Variants in ZGPAT observed in about 807,000 individuals in gnomAD.
ZGPAT encodes zinc finger CCCH-type and G-patch domain containing.
ZGPAT carries 39 observed loss-of-function variants against 47.9 expected under a neutral mutation model. The observed-to-expected ratio is 0.81, with a 90% CI of 0.63 to 1.06. The LOEUF (loss-of-function observed/expected upper bound fraction) is 1.06. ZGPAT is among the 50% of genes least tolerant of loss of function. The probability of loss-of-function intolerance (pLI) is 0.00; values close to 1 mark genes in which losing one functional copy is unlikely to be tolerated. For synonymous variants in ZGPAT, 348 were observed against 292.9 expected (o/e 1.19, Z -1.92); for missense variants, 717 against 681.4 (o/e 1.05, Z -0.58).
chr20:63,717,302 G>A (rs939781300), intron 2 of ZGPAT, among the ~76,000 whole-genome samples: 6 of 120,324 alleles, frequency 5.0e-5, no homozygotes, highest in African/African-American at 1.9e-4. Flanking sequence ...ATACAGTTAA[G>A]TTATTGATTT....
At chr20:63,733,546 G>C in intron 3 of ZGPAT, 41 bp from the exon 4 acceptor site, 1 of 1,613,950 alleles carries the variant, frequency 6.2e-7, no homozygotes, top group Non-Finnish European at 8.5e-7. Context: ...AGTGGCACCT[G>C]CTGTCAAGGA....
intron 2 of ZGPAT, among the ~76,000 whole-genome samples, chr20:63,719,637 C>T (rs1019591323): frequency 1.3e-5 from 2 of 151,932 alleles, no homozygotes; most frequent in Admixed American, 6.6e-5. Context: ...TAGTAATTAT[C>T]ACTTTACTAG....
chr20:63,708,748 T>A lies in ZGPAT; in HGVS notation c.168T>A (p.Ser56=), dbSNP rs749152714. 1.2e-6 allele frequency: 2 copies of A among 1,612,392 alleles called. No homozygotes were observed. The highest frequency in any genetic ancestry group is 1.7e-6 in the Non-Finnish European group (2 of 1,179,548). The change falls in exon 2 of 7, where the codon TCT becomes TCA. Residue 56 remains serine (S), a synonymous_variant. Transcript: ENST00000355969. ...AGCTCACCGAGGCCAGCCTGGTGTC[T>A]GTCAGGAAGAGCAGCTTGTTGGCCG... ...LIELTEASLV[S]VRKSSLLAAL...
At chr20:63,727,441 A>T (rs1342112379) in intron 2 of ZGPAT, among the ~76,000 whole-genome samples, 1 of 151,686 alleles carries the variant, frequency 6.6e-6, no homozygotes, top group Non-Finnish European at 1.5e-5. Context: ...GGGGTTTCTC[A>T]ATATTGGTCA....
At chr20:63,734,667 C>A (rs778954072) in intron 4 of ZGPAT, 38 bp from the exon 5 acceptor site, 1 of 1,609,526 alleles carries the variant, frequency 6.2e-7, no homozygotes, top group Non-Finnish European at 8.5e-7. Context: ...ACGCCGTGGA[C>A]TCTGCACAGT....
intron 6 of ZGPAT, 76 bp downstream of exon 6, chr20:63,735,640 C>G (rs1212459808): frequency 2.0e-6 from 3 of 1,494,148 alleles, no homozygotes; most frequent in Middle Eastern, 1.9e-4. Flanking sequence ...TGGAGGTCAC[C>G]TGACCCAAGC....
Position 63,736,059 on chromosome 20 carries a change from C to A in ZGPAT, c.*140C>A. Reference sequence around the variant, plus strand: ...TGAGTGGAGACAGAGCTGCGGGGTCCCATCTGGACACTTACTTGCCCACCT... The same window carrying A: ...TGAGTGGAGACAGAGCTGCGGGGTCACATCTGGACACTTACTTGCCCACCT... On this transcript the variant is annotated 3_prime_UTR_variant, in exon 7 of 7. Coordinates refer to ENST00000355969, the MANE Select transcript of ZGPAT (RefSeq NM_181485.3). 8.0e-7 allele frequency: 1 copy of A among 1,244,232 alleles called. No individual in the cohort carries two copies. Among genetic ancestry groups the A allele is most frequent in the East Asian group, 2.6e-5 (1 of 39,038 alleles). 77.1% of individuals were successfully genotyped at this position (1,244,232 alleles called of 1,614,324 possible).
chr20:63,725,349 C>T (rs2091834501), intron 2 of ZGPAT, among the ~76,000 whole-genome samples: 1 of 152,190 alleles, frequency 6.6e-6, no homozygotes, highest in African/African-American at 2.4e-5. Context: ...GTCTTTATTT[C>T]AGCTTCATTT....
chr20:63,716,000 ATTCT>A (rs1160219500), intron 2 of ZGPAT, among the ~76,000 whole-genome samples: 3 of 152,094 alleles, frequency 2.0e-5, no homozygotes, highest in East Asian at 3.9e-4. Flanking sequence ...TTGACTACTG[ATTCT>A]TTATTTGTTA....
chr20:63,729,399 T>A (rs1352838901), intron 2 of ZGPAT, among the ~76,000 whole-genome samples: 2 of 152,232 alleles, frequency 1.3e-5, no homozygotes, highest in South Asian at 2.1e-4. Context: ...GTTTTAGATG[T>A]TGTTTGTTTT....
intron 5 of ZGPAT, 62 bp downstream of exon 5, chr20:63,734,886 C>T: frequency 6.7e-7 from 1 of 1,503,534 alleles, no homozygotes; most frequent in Non-Finnish European, 8.9e-7. Flanking sequence ...GGTCCAGCAG[C>T]CATCAGGTTC....
chr20:63,733,439 G>C, intron 3 of ZGPAT, 87 bp downstream of exon 3: 1 of 1,597,188 alleles, frequency 6.3e-7, no homozygotes, highest in South Asian at 1.1e-5. Flanking sequence ...GCTTCCTTTG[G>C]GTTGAGTGTC....
chr20:63,724,380 AG>A (rs1172682941), intron 2 of ZGPAT, among the ~76,000 whole-genome samples: 179 of 132,498 alleles, frequency 1.4e-3, no homozygotes, highest in African/African-American at 4.9e-3. Flanking sequence ...AAAAAAAAAA[AG>A]AAAAGAAAAG....
In ZGPAT at chr20:63,735,840, G is replaced by T. The variant is rs1297656832; in HGVS notation, c.1457G>T (p.Gly486Val). The change falls in exon 7 of 7, where the codon GGG becomes GTG. Residue 486 changes from glycine to valine, a missense_variant. Gly to Val is a moderately radical substitution (Grantham distance 109). Transcript: ENST00000355969. ...CTGGCAGGAGCCCAGCGCCAGCTGGGGCAGCTCCGGGCTCAGGAAGCCGGC... is the reference window on the plus strand; with the variant it reads ...CTGGCAGGAGCCCAGCGCCAGCTGGTGCAGCTCCGGGCTCAGGAAGCCGGC... ...EKLAGAQRQL[G>V]QLRAQEAGLQ... is the part of the protein sequence containing the mutation. 6.2e-7 allele frequency: 1 copy of T among 1,612,458 alleles called. No homozygotes were observed. The highest frequency in any genetic ancestry group is 8.5e-7 in the Non-Finnish European group (1 of 1,179,790).
intron 2 of ZGPAT, among the ~76,000 whole-genome samples, chr20:63,725,978 G>A (rs6062507): frequency 0.35 from 52,365 of 151,136 alleles, 9,742 homozygotes; most frequent in Middle Eastern, 0.54. Context: ...TGGGACTACC[G>A]GAGTGTGCCA....
intron 2 of ZGPAT, among the ~76,000 whole-genome samples, chr20:63,712,522 G>A (rs2145640454): frequency 6.6e-6 from 1 of 152,262 alleles, no homozygotes; most frequent in African/African-American, 2.4e-5. Context: ...GTCCAATTCT[G>A]CATAAAAGAC....
At chr20:63,732,972 G>C (rs1006282011) in intron 2 of ZGPAT, among the ~76,000 whole-genome samples, 1 of 151,864 alleles carries the variant, frequency 6.6e-6, no homozygotes, top group Non-Finnish European at 1.5e-5. Flanking sequence ...GAGTGTATGT[G>C]TGCATGTGTA....
rs1443931028 is a variant in ZGPAT, at chr20:63,735,983, G to C, written c.*64G>C. ...GCACGGGCTGCCCTCAGGAAGACCA[G>C]TGTTGCCCGAGGAGGGGCCGGCCTG... On this transcript the variant is annotated 3_prime_UTR_variant, in exon 7 of 7. Coordinates refer to ENST00000355969, the MANE Select transcript of ZGPAT (RefSeq NM_181485.3). The C allele has an allele frequency of 4.5e-6, 7 of 1,563,164 alleles. No homozygotes were observed. In the South Asian group the frequency reaches 8.4e-5, roughly 19 times the overall value.
chr20:63,727,598 G>C (rs1459144717), intron 2 of ZGPAT, among the ~76,000 whole-genome samples: 1 of 150,796 alleles, frequency 6.6e-6, no homozygotes, highest in Non-Finnish European at 1.5e-5. Flanking sequence ...TTGAACTTGG[G>C]AGGTGGAGGT....
Sources: allele counts gnomAD v4.1 joint callset (sites outside exome capture counted in the v4.1 genomes callset), GRCh38; gene constraint gnomAD v4.1.1; transcripts MANE v1.5; gene names NCBI Gene and HGNC (gene_info 2026-07-23, HGNC 2026-07-21).